Variants in FAM151B observed in about 807,000 individuals in gnomAD.
FAM151B encodes the protein family with sequence similarity 151 member B.
In FAM151B, 24 loss-of-function variants were observed where a neutral mutation model predicts 31.2. The ratio of observed to expected loss-of-function variants is 0.77; its 90% CI spans 0.56 to 1.08. The LOEUF (loss-of-function observed/expected upper bound fraction) is 1.08. FAM151B is among the 50% of genes least tolerant of loss of function. FAM151B has a pLI of 0.00. For synonymous variants in FAM151B, 105 were observed against 111.4 expected, an observed-to-expected ratio of 0.94 and a Z score of 0.36; for missense variants, 293 against 328.6, an observed-to-expected ratio of 0.89 and a Z score of 0.84.
chr5:80,514,669 T>C (rs894993410), intron 3 of FAM151B, among the ~76,000 whole-genome samples: 1 of 152,028 alleles, frequency 6.6e-6, no homozygotes, highest in African/African-American at 2.4e-5. Flanking sequence ...AGAAGCACAC[T>C]GTAAAGCTTA....
intron 1 of FAM151B, among the ~76,000 whole-genome samples, chr5:80,491,202 C>CTATTAT (rs60195799): frequency 2.7e-5 from 4 of 147,640 alleles, no homozygotes; most frequent in African/African-American, 1.0e-4. Flanking sequence ...ATATAATACA[C>CTATTAT]TATTATTATT....
chr5:80,488,197 G>A, intron 1 of FAM151B, 49 bp downstream of exon 1: 1 of 1,520,454 alleles, frequency 6.6e-7, no homozygotes, highest in African/African-American at 1.4e-5. Context: ...CGCTTTGAGA[G>A]GCTCCGCCGG....
chr5:80,517,326 G>GT (rs1384460167), intron 3 of FAM151B, among the ~76,000 whole-genome samples: 1 of 152,150 alleles, frequency 6.6e-6, no homozygotes, highest in East Asian at 1.9e-4. Context: ...GTGCTAGGTA[G>GT]TTTCAGGCAT....
intron 5 of FAM151B, among the ~76,000 whole-genome samples, chr5:80,522,790 A>T (rs1418347833): frequency 1.3e-5 from 2 of 152,158 alleles, no homozygotes; most frequent in Non-Finnish European, 2.9e-5. Flanking sequence ...AATCTTTTTT[A>T]TATAAAAGTT....
At chr5:80,531,389 A>T (rs1445940324) in intron 5 of FAM151B, among the ~76,000 whole-genome samples, 1 of 152,236 alleles carries the variant, frequency 6.6e-6, no homozygotes, top group African/African-American at 2.4e-5. Flanking sequence ...GACAAATGAG[A>T]TCTAATTAAA....
chr5:80,492,952 CTA>C (rs771066714), intron 1 of FAM151B, among the ~76,000 whole-genome samples: 78 of 152,000 alleles, frequency 5.1e-4, no homozygotes, highest in Admixed American at 1.0e-3. Context: ...AGACTTGTCT[CTA>C]AAAAAAACAA....
intron 1 of FAM151B, among the ~76,000 whole-genome samples, chr5:80,491,502 TG>T (rs1372036266): frequency 6.6e-6 from 1 of 152,178 alleles, no homozygotes; most frequent in African/African-American, 2.4e-5. Flanking sequence ...GAGTTACAGT[TG>T]TGAGCCAGCA....
chr5:80,530,422 A>G (rs1005789587), intron 5 of FAM151B, among the ~76,000 whole-genome samples: 3 of 152,160 alleles, frequency 2.0e-5, no homozygotes, highest in African/African-American at 4.8e-5. Flanking sequence ...AGGGTATTCA[A>G]TTAGGAAAAG....
intron 3 of FAM151B, among the ~76,000 whole-genome samples, chr5:80,517,686 G>A (rs1327124627): frequency 1.3e-5 from 2 of 152,186 alleles, no homozygotes; most frequent in Admixed American, 1.3e-4. Flanking sequence ...CTTTGTCATA[G>A]TTCCTTATGT....
intron 1 of FAM151B, chr5:80,498,646 G>C: frequency 1.4e-6 from 1 of 717,352 alleles, no homozygotes; most frequent in Non-Finnish European, 2.5e-6. Context: ...TCTCGACAAA[G>C]GTGTCTAATT....
At chr5:80,497,180 C>T (rs1347526679) in intron 1 of FAM151B, among the ~76,000 whole-genome samples, 1 of 151,924 alleles carries the variant, frequency 6.6e-6, no homozygotes, top group African/African-American at 2.4e-5. Context: ...AATCTCAGCA[C>T]TTTGGGAGGC....
intron 5 of FAM151B, among the ~76,000 whole-genome samples, chr5:80,532,824 A>C (rs1195233655): frequency 6.6e-6 from 1 of 152,216 alleles, no homozygotes; most frequent in East Asian, 1.9e-4. Context: ...ATGGAATAAA[A>C]CTAGAAATCA....
intron 5 of FAM151B, among the ~76,000 whole-genome samples, chr5:80,538,483 T>TTTCTTTCTTTCTTTCC (rs1554059092): frequency 8.9e-5 from 9 of 101,106 alleles, no homozygotes; most frequent in African/African-American, 3.7e-4. Context: ...TCTTTCTTTC[T>TTTCTTTCTTTCTTTCC]TTCCTTCCTT....
intron 1 of FAM151B, among the ~76,000 whole-genome samples, chr5:80,498,210 A>G (rs535030629): frequency 6.6e-6 from 1 of 152,248 alleles, no homozygotes; most frequent in Non-Finnish European, 1.5e-5. Flanking sequence ...AATGATGGCC[A>G]TGTGTTGCCA....
intron 5 of FAM151B, among the ~76,000 whole-genome samples, chr5:80,533,326 G>A (rs576195973): frequency 1.9e-4 from 29 of 151,562 alleles, no homozygotes; most frequent in Admixed American, 8.5e-4. Flanking sequence ...GCAGTGAACC[G>A]AGATCACACC....
chr5:80,514,423 C>T (rs1337990014), intron 3 of FAM151B, among the ~76,000 whole-genome samples: 4 of 150,720 alleles, frequency 2.7e-5, no homozygotes, highest in African/African-American at 7.3e-5. Flanking sequence ...TGCAGTGAGC[C>T]GAGATCACGC....
At chr5:80,517,911 A>C (rs1471059104) in intron 3 of FAM151B, among the ~76,000 whole-genome samples, 1 of 152,032 alleles carries the variant, frequency 6.6e-6, no homozygotes, top group African/African-American at 2.4e-5. Context: ...ATCTCTACTG[A>C]AAATACAAAA....
chr5:80,532,871 A>C (rs1417027269), intron 5 of FAM151B, among the ~76,000 whole-genome samples: 1 of 152,210 alleles, frequency 6.6e-6, no homozygotes, highest in African/African-American at 2.4e-5. Context: ...AAATACATGG[A>C]AATTAAACTA....
intron 4 of FAM151B, 107 bp from the exon 5 acceptor site, chr5:80,521,896 C>T: frequency 1.4e-6 from 1 of 719,922 alleles, no homozygotes; most frequent in East Asian, 2.8e-5. Flanking sequence ...TATGAATTAC[C>T]TATGAATTAT....
Sources: allele counts gnomAD v4.1 joint callset (sites outside exome capture counted in the v4.1 genomes callset), GRCh38; gene constraint gnomAD v4.1.1; transcripts MANE v1.5; gene names NCBI Gene and HGNC (gene_info 2026-07-23, HGNC 2026-07-21).